DNMT3A: variants seen among roughly 807,000 people sequenced by gnomAD.
DNMT3A encodes DNA methyltransferase 3 alpha.
In DNMT3A, 267 loss-of-function variants were observed where a neutral mutation model predicts 117.6. That is an observed-to-expected ratio of 2.27 (90% CI 2.05 to 2.51). The LOEUF (loss-of-function observed/expected upper bound fraction) is 2.51. Among genes scored for constraint, DNMT3A ranks in the 30% most tolerant of loss-of-function variants. DNMT3A has a pLI of 0.00. For missense variants in DNMT3A, 1,029 were observed against 1,260.2 expected, an observed-to-expected ratio of 0.82 and a Z score of 2.78; for synonymous variants, 432 against 474.8, an observed-to-expected ratio of 0.91 and a Z score of 1.17.
At position 25,300,258 on chromosome 2, in the gene DNMT3A, A is replaced by G; in HGVS notation, c.73-15T>C. 1.9e-6 allele frequency: 3 copies of G among 1,602,982 alleles called. No homozygotes were observed. Among genetic ancestry groups the G allele is most frequent in the Non-Finnish European group, 2.5e-6 (3 of 1,179,586 alleles). On this transcript the variant is annotated splice_polypyrimidine_tract_variant and intron_variant, in intron 2 of 22. Transcript: ENST00000321117. ...TCCTCTCCGTCCTGCAGGCACAGACACAGCCTGTGAGGCCAGAGGTGGATC... is the reference window on the plus strand; with the variant it reads ...TCCTCTCCGTCCTGCAGGCACAGACGCAGCCTGTGAGGCCAGAGGTGGATC...
At position 25,240,696 on chromosome 2, in the gene DNMT3A, C is replaced by T. The variant is rs777898555; in HGVS notation, c.2117G>A (p.Gly706Glu). ...GGAGAGGTCATTGCAGGGACTGCCC[C>T]CAATCACCAGATCGAATGGGCCCCA... ...QEWGPFDLVIGGSPCNDLSIV... is the reference protein window; with the variant it reads ...QEWGPFDLVIEGSPCNDLSIV... Residue 706 changes from glycine to glutamate, a missense_variant, in exon 18 of 23, where the codon GGG becomes GAG. By Grantham distance (98) the Gly-to-Glu change is moderately conservative (BLOSUM62 -2). Transcript: ENST00000321117. 5 of 1,614,176 alleles carry T rather than the reference C, an allele frequency of 3.1e-6. No individual in the cohort carries two copies. Among genetic ancestry groups the T allele is most frequent in the African/African-American group, 1.3e-5 (1 of 75,060 alleles).
intron 1 of DNMT3A, among the ~76,000 whole-genome samples, chr2:25,332,905 C>A (rs895433945): frequency 6.6e-6 from 1 of 152,270 alleles, no homozygotes; most frequent in South Asian, 2.1e-4. Flanking sequence ...CCCTCCCCTG[C>A]CTCCAGGCCG....
At position 25,278,042 on chromosome 2, in the gene DNMT3A, C is replaced by CACACACACACACACAAACAG. The variant is rs150400657; in HGVS notation, c.449-2500_449-2499insCTGTTTGTGTGTGTGTGTGT. On this transcript the variant is annotated intron_variant, in intron 4 of 22. Coordinates refer to ENST00000321117, the MANE Select transcript of DNMT3A (RefSeq NM_022552.5). ...ACACACACACACACACACACACAGACACACACGCTTTCCAGCCTGGCCGGG... is the reference window on the plus strand; with the variant it reads ...ACACACACACACACACACACACAGACACACACACACACACAAACAGACACACGCTTTCCAGCCTGGCCGGG... Among the ~76,000 whole-genome samples, 1,017 of 146,368 alleles carry CACACACACACACACAAACAG rather than the reference C, an allele frequency of 6.9e-3. 11 individuals are homozygous for CACACACACACACACAAACAG. Among genetic ancestry groups the CACACACACACACACAAACAG allele is most frequent in the Middle Eastern group, 0.014 (4 of 286 alleles).
At chr2:25,259,472 G>A in intron 6 of DNMT3A, among the ~76,000 whole-genome samples, 1 of 152,148 alleles carries the variant, frequency 6.6e-6, no homozygotes, top group Admixed American at 6.5e-5. Context: ...TTTGGGCCTT[G>A]GTTTCCTAAC....
At chr2:25,323,157 A>C (rs921703897) in intron 1 of DNMT3A, among the ~76,000 whole-genome samples, 1 of 151,980 alleles carries the variant, frequency 6.6e-6, no homozygotes, top group African/African-American at 2.4e-5. Flanking sequence ...GAACCTTTTT[A>C]TCGATGCGAT....
chr2:25,244,606 TG>T lies in DNMT3A; in HGVS notation c.1600del (p.Gln534SerfsTer117). The T allele has an allele frequency of 6.2e-7, 1 of 1,614,190 alleles. No individual in the cohort carries two copies. The highest frequency in any genetic ancestry group is 8.5e-7 in the Non-Finnish European group (1 of 1,180,016). On this transcript the variant is annotated frameshift_variant, in exon 14 of 23. Transcript: ENST00000321117. LOFTEE classifies it high-confidence loss of function. The part of the protein sequence containing the change: ...CAYQYDDDGY[Q>X]SYCTICCGGR... ...CCCACAGCAGATGGTGCAGTAGGAC[TG>T]GTAGCCGTCGTCGTCGTACTGGTAC...
At position 25,248,080 on chromosome 2, in the gene DNMT3A, T is replaced by TC; in HGVS notation, c.811dup (p.Asp271GlyfsTer10). 1 of 1,612,852 alleles carries TC rather than the reference T, an allele frequency of 6.2e-7. No homozygotes were observed. Among genetic ancestry groups the TC allele is most frequent in the African/African-American group, 1.3e-5 (1 of 74,966 alleles). On this transcript the variant is annotated frameshift_variant, in exon 7 of 23. Transcript: ENST00000321117. LOFTEE classifies it high-confidence loss of function. ...ATCGCCTGCTTTGGTGGCATTCTTG[T>TC]CCCCAGCATCGGACCCCACGGGCTC...
Position 25,247,076 on chromosome 2 carries a change from CG to C in DNMT3A, c.1096del (p.Arg366AlafsTer41). 1.2e-6 allele frequency: 2 copies of C among 1,614,006 alleles called. No individual in the cohort carries two copies. On this transcript the variant is annotated frameshift_variant, in exon 9 of 23. Coordinates refer to ENST00000321117, the MANE Select transcript of DNMT3A (RefSeq NM_022552.5). LOFTEE classifies it high-confidence loss of function. The surrounding 1 kb of genome is among the most constrained non-coding windows in gnomAD (Gnocchi z 5.6). ...QATYNKQPMY[R>X]KAIYEVLQVA... Reference sequence around the variant, plus strand: ...CTGCAGGACCTCGTAGATGGCTTTGCGGTACATGGGCTGCTTGTTGTACGTG... The same window carrying C: ...CTGCAGGACCTCGTAGATGGCTTTGCGTACATGGGCTGCTTGTTGTACGTG...
chr2:25,246,043 C>T lies in DNMT3A; in HGVS notation c.1451G>A (p.Arg484Gln), dbSNP rs780672407. 6.2e-7 allele frequency: 1 copy of T among 1,614,080 alleles called. No homozygotes were observed. ...ACCCTCAATGTTCCGGCACTTCTGC[C>T]GCACCTCGTACACCAGCCGCTCTGC... ...RTRERLVYEVRQKCRNIEDIC... is the reference protein window; with the variant it reads ...RTRERLVYEVQQKCRNIEDIC... The change falls in exon 12 of 23, where the codon CGG becomes CAG. Residue 484 changes from arginine to glutamine, a missense_variant. Coordinates refer to ENST00000321117, the MANE Select transcript of DNMT3A (RefSeq NM_022552.5).
chr2:25,249,577 C>A (rs1311444324), intron 6 of DNMT3A: 6 of 1,493,036 alleles, frequency 4.0e-6, no homozygotes, highest in Admixed American at 1.7e-5. Context: ...ATAGACCAGG[C>A]GTGCTCTCTG....
At chr2:25,253,318 A>G (rs1675817654) in intron 6 of DNMT3A, among the ~76,000 whole-genome samples, 1 of 152,192 alleles carries the variant, frequency 6.6e-6, no homozygotes, top group African/African-American at 2.4e-5. Context: ...TGAAGATTCC[A>G]CTAGACTTGG....
chr2:25,282,552 C>T lies in DNMT3A; in HGVS notation c.337G>A (p.Gly113Arg), dbSNP rs758151481. ...GCACCCTCTCCCTCTGCTGGGGCCC[C>T]GCCCTTCTGCCCCCCAGCAGGGCTC... is the stretch of plus-strand genomic sequence containing the variant. ...EGSPAGGQKG[G>R]APAEGEGAAE... The change falls in exon 4 of 23, where the codon GGG becomes AGG. Residue 113 changes from glycine (G) to arginine (R), a missense_variant. Coordinates refer to ENST00000321117, the MANE Select transcript of DNMT3A (RefSeq NM_022552.5). This position sits in a 1 kb window ranked among gnomAD's most constrained non-coding sequence, Gnocchi z 5.2. 3.0e-5 allele frequency: 49 copies of T among 1,613,292 alleles called. No individual in the cohort carries two copies. Among genetic ancestry groups the T allele is most frequent in the South Asian group, 5.5e-5 (5 of 91,026 alleles).
chr2:25,319,266 A>G (rs1232236523), intron 1 of DNMT3A, among the ~76,000 whole-genome samples: 4 of 150,904 alleles, frequency 2.7e-5, no homozygotes, highest in Admixed American at 1.3e-4. Context: ...CGCCCGCCTT[A>G]GCCTCCCAAA....
intron 6 of DNMT3A, among the ~76,000 whole-genome samples, chr2:25,249,009 A>G (rs1461524862): frequency 2.0e-5 from 3 of 152,218 alleles, no homozygotes; most frequent in Non-Finnish European, 4.4e-5. Context: ...TCCTAATGCT[A>G]TCCCTCCCCC....
chr2:25,323,024 T>TCCCCTC (rs2034655042), intron 1 of DNMT3A, among the ~76,000 whole-genome samples: 1 of 151,974 alleles, frequency 6.6e-6, no homozygotes. Context: ...CTAGATGCCT[T>TCCCCTC]CCCCTCCTTC....
chr2:25,254,867 G>C lies in DNMT3A; in HGVS notation c.640-6615C>G, dbSNP rs573530817. Among the ~76,000 whole-genome samples the C allele has an allele frequency of 6.6e-6, 1 of 152,316 alleles. No individual in the cohort carries two copies. Among genetic ancestry groups the C allele is most frequent in the Admixed American group, 6.5e-5 (1 of 15,302 alleles). On this transcript the variant is annotated intron_variant, in intron 6 of 22. Coordinates refer to ENST00000321117, the MANE Select transcript of DNMT3A (RefSeq NM_022552.5). This position sits in a 1 kb window ranked among gnomAD's most constrained non-coding sequence, Gnocchi z 4.7. ...TGGGACATAAGACTGCAATGATGCCGTGCGTGCAGCAAGGACTCAAGGTGT... is the reference window on the plus strand; with the variant it reads ...TGGGACATAAGACTGCAATGATGCCCTGCGTGCAGCAAGGACTCAAGGTGT...
In DNMT3A at chr2:25,293,854, A is replaced by G. The variant is rs2032930377; in HGVS notation, c.177+6285T>C. Among the ~76,000 whole-genome samples the G allele has an allele frequency of 2.0e-5, 3 of 152,106 alleles. No homozygotes were observed. Among genetic ancestry groups the G allele is most frequent in the Admixed American group, 2.0e-4 (3 of 15,272 alleles). On this transcript the variant is annotated intron_variant, in intron 3 of 22. Transcript: ENST00000321117. The surrounding 1 kb of genome is among the most constrained non-coding windows in gnomAD (Gnocchi z 4.7). ...CATTCGGCTTTTTTCTATTTTTAGT[A>G]GAGATGGGGTTTTGCCATGTTGGCC... is the stretch of plus-strand genomic sequence containing the variant.
At position 25,244,329 on chromosome 2, in the gene DNMT3A, G is replaced by T. The variant is rs775908350; in HGVS notation, c.1677C>A (p.Cys559Ter). ...CGNNNCCRCF[C>*]VECVDLLVGP... ...CCACCAAGAGGTCCACACACTCCAC[G>T]CAAAAGCACCTGGAAGGAGACCCAG... The change falls in exon 15 of 23, where the codon TGC (cysteine) becomes TGA (stop). Residue 559 changes from cysteine to a stop codon, truncating the protein, a stop_gained. Transcript: ENST00000321117. LOFTEE classifies it high-confidence loss of function. The T allele has an allele frequency of 3.1e-6, 5 of 1,605,264 alleles. No individual in the cohort carries two copies. Among genetic ancestry groups the T allele is most frequent in the Non-Finnish European group, 4.3e-6 (5 of 1,176,138 alleles).
At chr2:25,328,792 G>C (rs572598117) in intron 1 of DNMT3A, 1 of 454,138 alleles carries the variant, frequency 2.2e-6, no homozygotes. Flanking sequence ...CAGGAGCTCC[G>C]AGGGCAGAAC....
Sources: gnomAD v4.1 joint callset for allele counts (sites outside exome capture counted in the v4.1 genomes callset) on GRCh38, gnomAD v4.1.1 for gene constraint, Gnocchi (gnomAD v3.1) non-coding constraint, MANE v1.5 for transcripts, NCBI Gene and HGNC (gene_info 2026-07-23, HGNC 2026-07-21) for gene names.